The following ZNF687 variants were observed in gnomAD, a reference collection of about 807,000 sequenced individuals.
The protein encoded by ZNF687 is zinc finger protein 687.
Under a neutral mutation model 71.8 loss-of-function variants are expected in ZNF687, and 13 were observed. The ratio of observed to expected loss-of-function variants is 0.18; its 90% CI spans 0.12 to 0.29. The LOEUF (loss-of-function observed/expected upper bound fraction) is 0.29, where lower values mean the gene tolerates loss of function less well. ZNF687 is among the 10% of genes least tolerant of loss of function. ZNF687 has a pLI of 1.00. For synonymous variants in ZNF687, 673 were observed against 641.6 expected, an observed-to-expected ratio of 1.05 and a Z score of -0.74; for missense variants, 1,412 against 1,625.6, an observed-to-expected ratio of 0.87 and a Z score of 2.26.
rs1694008929 is a variant in ZNF687 at position 151,287,585 on chromosome 1, A to G, written c.1294A>G (p.Thr432Ala). 1.9e-6 allele frequency: 3 copies of G among 1,613,874 alleles called. No individual in the cohort carries two copies. In the East Asian group the frequency reaches 6.7e-5, roughly 36 times the overall value. Reference sequence around the variant, plus strand: ...TGTGGTGCTGCCTGGGGGGACTGCCACCAGCCCTAAGATGATTGCTAAGAA... The same window carrying G: ...TGTGGTGCTGCCTGGGGGGACTGCCGCCAGCCCTAAGATGATTGCTAAGAA... ...KAVVLPGGTATSPKMIAKNVL... is the reference protein window; with the variant it reads ...KAVVLPGGTAASPKMIAKNVL... The change falls in exon 2 of 9, where the codon ACC (threonine) becomes GCC (alanine). Residue 432 changes from threonine (T) to alanine (A), a missense_variant. By Grantham distance (58) the Thr-to-Ala change is moderately conservative. Coordinates refer to ENST00000336715, the MANE Select transcript of ZNF687 (RefSeq NM_020832.3). This position sits in a 1 kb window ranked among gnomAD's most constrained non-coding sequence, Gnocchi z 5.0.
chr1:151,290,287 A>C, intron 7 of ZNF687, 53 bp downstream of exon 7: 2 of 1,609,598 alleles, frequency 1.2e-6, no homozygotes, highest in Non-Finnish European at 1.7e-6. Context: ...CTCTCCCTGT[A>C]TGCCAAAGTA....
intron 3 of ZNF687, 118 bp downstream of exon 3, chr1:151,288,824 C>A: frequency 7.9e-7 from 1 of 1,272,630 alleles, no homozygotes; most frequent in Non-Finnish European, 1.1e-6. Flanking sequence ...TGTTGTTTTG[C>A]CAGACTCAAC....
Position 151,286,826 on chromosome 1 carries a change from C to G in ZNF687, c.535C>G (p.Pro179Ala). ...EPGDHSDPLP[P>A]SAPSPTREGA... ...AGGGGACCACTCAGATCCGCTGCCT[C>G]CCTCTGCACCCTCTCCCACTCGGGA... The change falls in exon 2 of 9, where the codon CCC becomes GCC. Residue 179 changes from proline to alanine, a missense_variant. Pro to Ala is a conservative substitution (Grantham distance 27, BLOSUM62 -1). Transcript: ENST00000336715. The G allele has an allele frequency of 1.9e-6, 3 of 1,614,174 alleles. No individual in the cohort carries two copies. In the South Asian group the frequency reaches 3.3e-5, roughly 18 times the overall value.
At chr1:151,284,698 T>G (rs2101863180) in intron 1 of ZNF687, among the ~76,000 whole-genome samples, 1 of 151,990 alleles carries the variant, frequency 6.6e-6, no homozygotes, top group Admixed American at 6.6e-5. Context: ...TCATCTGGAA[T>G]AGTAAATCGT....
Position 151,290,799 on chromosome 1 carries a change from G to T in ZNF687, c.3304G>T (p.Gly1102Cys). ...GACACCGCCAGCCAAGTCCCCCAGG[G>T]GCGGACCTGGATCTGGAGGCCATGG... ...STTPPAKSPR[G>C]GPGSGGHGPL... Residue 1102 changes from glycine to cysteine, a missense_variant, in exon 9 of 9, where the codon GGC (glycine) becomes TGC (cysteine). Gly to Cys is a radical substitution (Grantham distance 159). This residue lies in a region of ZNF687 where 284 missense variants were observed against 359.2 expected (regional missense o/e 0.79). Coordinates refer to ENST00000336715, the MANE Select transcript of ZNF687 (RefSeq NM_020832.3). 3 of 1,613,862 alleles carry T rather than the reference G, an allele frequency of 1.9e-6. No individual in the cohort carries two copies. Among genetic ancestry groups the T allele is most frequent in the Non-Finnish European group, 2.5e-6 (3 of 1,180,010 alleles).
chr1:151,291,298 T>TAACA lies in ZNF687; in HGVS notation c.*90_*93dup, dbSNP rs1694237369. On this transcript the variant is annotated 3_prime_UTR_variant, in exon 9 of 9. Coordinates refer to ENST00000336715, the MANE Select transcript of ZNF687 (RefSeq NM_020832.3). The stretch of plus-strand genomic sequence containing the variant: ...GATCCCTCGGCTGGGGAGTTTTCAT[T>TAACA]AACATTAATATTTTGTTAATTCCTG... 2.1e-6 allele frequency: 3 copies of TAACA among 1,459,172 alleles called. No homozygotes were observed. Among genetic ancestry groups the TAACA allele is most frequent in the East Asian group, 2.3e-5 (1 of 43,134 alleles). The allele number at this position is 1,459,172 out of a possible 1,614,324, so 90.4% of individuals were successfully genotyped here. A position where few individuals can be genotyped will look rare whatever the true frequency, so the allele number is the denominator to read the frequency against.
rs1311099691 is a variant in ZNF687 at position 151,289,012 on chromosome 1, G to A, written c.2295-83G>A. ...TGATTTCCTTCTTGTAGTCTACCCA[G>A]TCCCAGAGAATAAATGTATGGTCCC... On this transcript the variant is annotated intron_variant, in intron 3 of 8. Transcript: ENST00000336715. 9 of 1,450,198 alleles carry A rather than the reference G, an allele frequency of 6.2e-6. 1 individual carries two copies. The South Asian group carries it at 1.1e-4, about 18-fold the overall frequency. The allele number at this position is 1,450,198 out of a possible 1,614,324, so 89.8% of individuals were successfully genotyped here. A position where few individuals can be genotyped will look rare whatever the true frequency, so the allele number is the denominator to read the frequency against.
At position 151,291,492 on chromosome 1, in the gene ZNF687, G is replaced by C. The variant is rs1694247572; in HGVS notation, c.*283G>C. On this transcript the variant is annotated 3_prime_UTR_variant, in exon 9 of 9. Coordinates refer to ENST00000336715, the MANE Select transcript of ZNF687 (RefSeq NM_020832.3). ...CTGCAGAACCCCCAGTGTGGGCCTG[G>C]GGGTGGGAGGATGGGACTTAGGTAT... 2.6e-6 allele frequency: 1 copy of C among 383,380 alleles called. No homozygotes were observed. The highest frequency in any genetic ancestry group is 2.1e-5 in the African/African-American group (1 of 48,504). 23.7% of individuals were successfully genotyped at this position (383,380 alleles called of 1,614,324 possible). A position where few individuals can be genotyped will look rare whatever the true frequency, so the allele number is the denominator to read the frequency against.
intron 1 of ZNF687, chr1:151,284,379 G>A (rs1693857169): frequency 3.5e-6 from 2 of 567,238 alleles, no homozygotes; most frequent in Non-Finnish European, 2.2e-6. Context: ...CGAGCAGCAG[G>A]TGTTTGTGAC....
At chr1:151,283,088 CCTTCG>C (rs1296832696) in intron 1 of ZNF687, 1 of 985,314 alleles carries the variant, frequency 1.0e-6, no homozygotes, top group African/African-American at 1.7e-5. Flanking sequence ...TGAGGCCCGG[CCTTCG>C]CTTCGCACGC....
intron 7 of ZNF687, 36 bp downstream of exon 7, chr1:151,290,270 C>A: frequency 6.2e-7 from 1 of 1,610,900 alleles, no homozygotes; most frequent in Non-Finnish European, 8.5e-7. Flanking sequence ...TCCTGCCCAG[C>A]ACGTGACTCT....
At chr1:151,289,328 G>A (rs749243113) in intron 4 of ZNF687, 50 bp from the exon 5 acceptor site, 1 of 1,613,130 alleles carries the variant, frequency 6.2e-7, no homozygotes, top group Admixed American at 1.7e-5. Context: ...GCGCAGGAGG[G>A]GAGGGGCTGC....
At chr1:151,285,202 G>T (rs1228739287) in intron 1 of ZNF687, 1 of 152,198 alleles carries the variant, frequency 6.6e-6, no homozygotes, top group Non-Finnish European at 1.5e-5. Flanking sequence ...CTTTGTACAT[G>T]CAGCCTTTCA....
intron 1 of ZNF687, chr1:151,283,932 G>A (rs769717273): frequency 8.1e-6 from 8 of 985,282 alleles, no homozygotes; most frequent in Admixed American, 6.1e-5. Context: ...GAATGGATAG[G>A]GATAGACTCT....
chr1:151,291,462 T>C lies in ZNF687; in HGVS notation c.*253T>C. ...AGCCCAACACTAATTAATTTTATGC[T>C]CCTGCTGCAGAACCCCCAGTGTGGG... On this transcript the variant is annotated 3_prime_UTR_variant, in exon 9 of 9. Coordinates refer to ENST00000336715, the MANE Select transcript of ZNF687 (RefSeq NM_020832.3). 1 of 434,846 alleles carries C rather than the reference T, an allele frequency of 2.3e-6. No homozygotes were observed. The highest frequency in any genetic ancestry group is 4.1e-6 in the Non-Finnish European group (1 of 243,476). The allele number at this position is 434,846 out of a possible 1,614,324, so 26.9% of individuals were successfully genotyped here.
intron 1 of ZNF687, among the ~76,000 whole-genome samples, chr1:151,282,834 C>T (rs587746868): frequency 2.0e-5 from 3 of 152,260 alleles, no homozygotes; most frequent in Admixed American, 6.5e-5. Context: ...CCCCGGCCCC[C>T]TGCGCACCCC....
In ZNF687 at chr1:151,286,257, C is replaced by G. The variant is rs771631702; in HGVS notation, c.-17-18C>G. The G allele has an allele frequency of 6.6e-7, 1 of 1,515,406 alleles. No homozygotes were observed. The highest frequency in any genetic ancestry group is 8.8e-7 in the Non-Finnish European group (1 of 1,132,110). 93.9% of individuals were successfully genotyped at this position (1,515,406 alleles called of 1,614,324 possible). A position where few individuals can be genotyped will look rare whatever the true frequency, so the allele number is the denominator to read the frequency against. On this transcript the variant is annotated intron_variant, in intron 1 of 8. Transcript: ENST00000336715. ...TCTAGACATCTCAGTTTCTCCTCCT[C>G]GTTCCTGTTTTCATCAGGTCTGGGA...
chr1:151,291,214 C>T lies in ZNF687; in HGVS notation c.*5C>T. ...GGGGCTGTTGGGGACAACTAGTCTCCAAGGCCTGGGACTGACCAGCCCCTT... is the reference window on the plus strand; with the variant it reads ...GGGGCTGTTGGGGACAACTAGTCTCTAAGGCCTGGGACTGACCAGCCCCTT... On this transcript the variant is annotated 3_prime_UTR_variant, in exon 9 of 9. Transcript: ENST00000336715. 6.2e-7 allele frequency: 1 copy of T among 1,606,178 alleles called. No homozygotes were observed.
chr1:151,290,486 T>C lies in ZNF687; in HGVS notation c.3132T>C (p.His1044=), dbSNP rs1338391027. 3 of 1,613,876 alleles carry C rather than the reference T, an allele frequency of 1.9e-6. No individual in the cohort carries two copies. The highest frequency in any genetic ancestry group is 3.3e-5 in the Admixed American group (2 of 60,008). Residue 1044 remains histidine, a synonymous_variant, in exon 8 of 9, where the codon CAT becomes CAC. Coordinates refer to ENST00000336715, the MANE Select transcript of ZNF687 (RefSeq NM_020832.3). The stretch of plus-strand genomic sequence containing the variant: ...GCAGCCGCCTGATCCTAGAGAAACA[T>C]GTCCAGGTCCGGCACGGCTTGCAGC... ...TFSSRLILEK[H]VQVRHGLQLG...
Sources: gnomAD v4.1 joint callset for allele counts (sites outside exome capture counted in the v4.1 genomes callset) on GRCh38, gnomAD v4.1.1 for gene constraint, gnomAD v4.1.1 regional missense constraint, Gnocchi (gnomAD v3.1) non-coding constraint, MANE v1.5 for transcripts, NCBI Gene and HGNC (gene_info 2026-07-23, HGNC 2026-07-21) for gene names.